GGT1: variants seen among roughly 807,000 people sequenced by gnomAD.
GGT1 encodes gamma-glutamyltransferase 1.
In GGT1, 21 loss-of-function variants were observed where a neutral mutation model predicts 56.0. The ratio of observed to expected loss-of-function variants is 0.38; its 90% CI spans 0.27 to 0.54. The LOEUF is 0.54. Among genes scored for constraint, GGT1 ranks in the 20% least tolerant of loss-of-function variants. The probability of loss-of-function intolerance (pLI) is 0.82; values close to 1 mark genes in which losing one functional copy is unlikely to be tolerated. For missense variants in GGT1, 466 were observed against 787.0 expected, an observed-to-expected ratio of 0.59 and a Z score of 4.88; for synonymous variants, 238 against 342.6, an observed-to-expected ratio of 0.69 and a Z score of 3.37.
Position 24,627,509 on chromosome 22 carries a change from C to A in GGT1, c.1098C>A (p.Ile366=). The A allele has an allele frequency of 6.3e-7, 1 of 1,578,852 alleles. No homozygotes were observed. The highest frequency in any genetic ancestry group is 8.6e-7 in the Non-Finnish European group (1 of 1,166,884). ...AQISDDTTHP[I]SYYKPEFYTP... ...TCTCTGACGACACCACTCACCCGAT[C>A]TCCTACTACAAGCCCGAGTTCTACA... The change falls in exon 12 of 16, where the codon ATC becomes ATA. Residue 366 remains isoleucine (I), a synonymous_variant. Transcript: ENST00000400382.
At chr22:24,593,419 G>A (rs1338140679), upstream of GGT1, among the ~76,000 whole-genome samples, 1 of 152,146 alleles carries the variant, frequency 6.6e-6, no homozygotes, top group Non-Finnish European at 1.5e-5. Context: ...GTTCTGCTGT[G>A]TGTGCCAGTG....
At chr22:24,609,307 G>GGT (rs1244094402) in intron 2 of GGT1, 1 of 152,256 alleles carries the variant, frequency 6.6e-6, no homozygotes, top group Non-Finnish European at 1.5e-5. Context: ...CCTGGATTCA[G>GGT]GCTGTGGTGG....
chr22:24,589,734 C>A, the GGT1 span: 1 of 1,438,620 alleles, frequency 7.0e-7, no homozygotes, highest in Non-Finnish European at 9.2e-7. Context: ...GCAGAAGGAC[C>A]TAGCCTCCCA....
At chr22:24,588,811 G>A in the GGT1 span, 6 of 1,013,786 alleles carry the variant, frequency 5.9e-6, no homozygotes, top group Admixed American at 1.1e-4. Context: ...GCGCCTGCGG[G>A]GTCTGGGTCT....
At position 24,605,794 on chromosome 22, in the gene GGT1, ATATATGATGTGTATTATATATTATATAT is replaced by A. The variant is rs1569049342; in HGVS notation, c.-428-2132_-428-2105del. Among the ~76,000 whole-genome samples the A allele has an allele frequency of 1.5e-3, 79 of 52,922 alleles. 9 individuals carry two copies. Among genetic ancestry groups the A allele is most frequent in the African/African-American group, 0.01 (52 of 4,972 alleles). 34.7% of individuals were successfully genotyped at this position (52,922 alleles called of 152,430 possible). ...TATAATGTGTATTATATATTATATA[ATATATGATGTGTATTATATATTATATAT>A]TATATGATGTGTATTATATATTATA... On this transcript the variant is annotated intron_variant, in intron 1 of 15. Transcript: ENST00000400382.
chr22:24,592,239 C>T (rs2045590746), upstream of GGT1: 1 of 458,548 alleles, frequency 2.2e-6, no homozygotes, highest in Admixed American at 2.4e-5. Flanking sequence ...GGAGCAGAGC[C>T]ACCACCGGAC....
intron 1 of GGT1, among the ~76,000 whole-genome samples, chr22:24,606,575 T>A (rs545795889): frequency 6.6e-6 from 1 of 152,336 alleles, no homozygotes; most frequent in South Asian, 2.1e-4. Flanking sequence ...CCTTGGTTCC[T>A]GCCCTGTCAT....
At chr22:24,585,177 T>C in the GGT1 span, among the ~76,000 whole-genome samples, 4 of 152,152 alleles carry the variant, frequency 2.6e-5, no homozygotes, top group African/African-American at 7.2e-5. Flanking sequence ...CAAGCAGCAC[T>C]GTACCCTGTG....
chr22:24,597,149 A>AT (rs1164292739), intron 1 of GGT1, among the ~76,000 whole-genome samples: 5 of 151,158 alleles, frequency 3.3e-5, no homozygotes, highest in African/African-American at 1.2e-4. Context: ...CGCCCAGCTA[A>AT]TTTTTGTATT....
At chr22:24,608,593 G>C (rs75999133) in intron 2 of GGT1, among the ~76,000 whole-genome samples, 4 of 152,238 alleles carry the variant, frequency 2.6e-5, no homozygotes, top group African/African-American at 9.6e-5. Flanking sequence ...ATGCTAGGAC[G>C]GGGTCACTGA....
chr22:24,586,637 T>TCC, the GGT1 span, among the ~76,000 whole-genome samples: 1 of 152,274 alleles, frequency 6.6e-6, no homozygotes, highest in Non-Finnish European at 1.5e-5. Flanking sequence ...ATTCAAGCGA[T>TCC]TCTCCTGCTT....
chr22:24,619,303 C>T (rs1475635997), intron 7 of GGT1, among the ~76,000 whole-genome samples: 1 of 149,796 alleles, frequency 6.7e-6, no homozygotes, highest in Non-Finnish European at 1.5e-5. Flanking sequence ...GAGGCTGAGG[C>T]AGGAGAATTG....
At chr22:24,593,212 T>C, upstream of GGT1, 1 of 635,662 alleles carries the variant, frequency 1.6e-6, no homozygotes, top group Non-Finnish European at 2.0e-6. Context: ...GTTCCTCGGT[T>C]TGGCCTGATC....
At position 24,627,452 on chromosome 22, in the gene GGT1, C is replaced by T. The variant is rs202087650; in HGVS notation, c.1041C>T (p.Ser347=). The T allele has an allele frequency of 8.0e-3, 11,676 of 1,468,108 alleles. 37 individuals carry two copies. The highest frequency in any genetic ancestry group is 0.04 in the South Asian group (2,995 of 75,534). The allele number at this position is 1,468,108 out of a possible 1,614,324, so 90.9% of individuals were successfully genotyped here. ...GGCAGGTGGTCCGCAACATGACCTC[C>T]GAGTTCTTCGCTGCCCAGCTCCGGG... ...DVTEVVRNMT[S]EFFAAQLRAQ... Residue 347 remains serine (S), a synonymous_variant, in exon 12 of 16, where the codon TCC becomes TCT. Transcript: ENST00000400382.
At chr22:24,585,795 G>T in the GGT1 span, 1 of 1,252,962 alleles carries the variant, frequency 8.0e-7, no homozygotes, top group Non-Finnish European at 1.1e-6. Flanking sequence ...GGATTTCTGG[G>T]GGCCTGTGAG....
rs1386437669 is a variant in GGT1, at chr22:24,612,670, G to A, written c.164+1425G>A. 3.3e-5 allele frequency among the ~76,000 whole-genome samples: 5 copies of A among 152,140 alleles called. No individual in the cohort carries two copies. The East Asian group carries it at 5.8e-4, about 18-fold the overall frequency. ...GCCTCCTGAGTAGCTGATATTACAG[G>A]CATCCGCCACCACGCCCGGCTAATT... On this transcript the variant is annotated intron_variant, in intron 5 of 15. Transcript: ENST00000400382.
the GGT1 span, chr22:24,586,464 C>A: frequency 1.9e-6 from 3 of 1,557,270 alleles, no homozygotes; most frequent in African/African-American, 2.7e-5. Context: ...AGTCCCCCCA[C>A]TGACCACAGA....
At chr22:24,611,297 C>G (rs1425158062) in intron 5 of GGT1, 52 bp downstream of exon 5, 4 of 1,080,346 alleles carry the variant, frequency 3.7e-6, no homozygotes, top group Non-Finnish European at 5.6e-6. Context: ...GCAAGTGGAC[C>G]TGAGCAATAC....
chr22:24,593,206 C>A (rs546800774), upstream of GGT1: 61 of 680,780 alleles, frequency 9.0e-5, no homozygotes, highest in Non-Finnish European at 1.1e-4. Context: ...CAGTGGGTTC[C>A]TCGGTTTGGC....
Sources: gnomAD v4.1 joint callset for allele counts (sites outside exome capture counted in the v4.1 genomes callset) on GRCh38, gnomAD v4.1.1 for gene constraint, MANE v1.5 for transcripts, NCBI Gene and HGNC (gene_info 2026-07-23, HGNC 2026-07-21) for gene names.